CENPP: variants seen among roughly 807,000 people sequenced by gnomAD.
The protein encoded by CENPP is centromere protein P.
CENPP carries 24 observed loss-of-function variants against 35.6 expected under a neutral mutation model. The observed-to-expected ratio is 0.67, with a 90% CI of 0.49 to 0.95. The LOEUF (loss-of-function observed/expected upper bound fraction) is 0.95, where lower values mean the gene tolerates loss of function less well. Among genes scored for constraint, CENPP ranks in the 40% least tolerant of loss-of-function variants. The pLI, the probability that CENPP is intolerant of heterozygous loss-of-function variation, is 0.00. For synonymous variants in CENPP, 120 were observed against 125.5 expected, an observed-to-expected ratio of 0.96 and a Z score of 0.29; for missense variants, 332 against 345.3, an observed-to-expected ratio of 0.96 and a Z score of 0.31.
chr9:92,530,712 AC>A (rs1848699812), intron 5 of CENPP, among the ~76,000 whole-genome samples: 1 of 151,362 alleles, frequency 6.6e-6, no homozygotes, highest in Non-Finnish European at 1.5e-5. Context: ...TTCTTTTTTG[AC>A]TTTTTAGATT....
intron 4 of CENPP, among the ~76,000 whole-genome samples, chr9:92,360,302 C>T (rs1422774176): frequency 6.6e-6 from 1 of 152,198 alleles, no homozygotes; most frequent in Non-Finnish European, 1.5e-5. Context: ...CTTCCCCTTC[C>T]TGCTTCATGT....
intron 4 of CENPP, among the ~76,000 whole-genome samples, chr9:92,363,842 T>G (rs571685769): frequency 6.6e-5 from 10 of 152,200 alleles, no homozygotes; most frequent in African/African-American, 1.7e-4. Context: ...TTGGGTTTTT[T>G]TTTTGTTTTG....
intron 5 of CENPP, chr9:92,493,977 C>T (rs1846241996): frequency 2.7e-6 from 3 of 1,095,410 alleles, no homozygotes; most frequent in African/African-American, 1.6e-5. Context: ...GCCGTAGTCT[C>T]CTGGCGGCCC....
At chr9:92,546,530 T>G (rs1849456858) in intron 5 of CENPP, among the ~76,000 whole-genome samples, 1 of 151,766 alleles carries the variant, frequency 6.6e-6, no homozygotes, top group Admixed American at 6.6e-5. Context: ...TTAAGAGCTG[T>G]AATAGTCAAC....
Position 92,615,595 on chromosome 9 carries a change from C to T in CENPP, c.*2446C>T, listed in dbSNP as rs1054871657. The T allele has an allele frequency of 1.2e-4, 59 of 504,964 alleles. No homozygotes were observed. The highest frequency in any genetic ancestry group is 5.1e-4 in the Admixed American group (15 of 29,622). The allele number at this position is 504,964 out of a possible 1,614,324, so 31.3% of individuals were successfully genotyped here. A position where few individuals can be genotyped will look rare whatever the true frequency, so the allele number is the denominator to read the frequency against. ...ACGTCTTCCCAGGGCTTAACGGACACTTCCATTTTAAGAGTGTGAGCAGCT... is the reference window on the plus strand; with the variant it reads ...ACGTCTTCCCAGGGCTTAACGGACATTTCCATTTTAAGAGTGTGAGCAGCT... On this transcript the variant is annotated 3_prime_UTR_variant, in exon 8 of 8. Coordinates refer to ENST00000375587, the MANE Select transcript of CENPP (RefSeq NM_001012267.3).
At chr9:92,374,262 T>TGTGC (rs762736582) in intron 4 of CENPP, among the ~76,000 whole-genome samples, 2,958 of 151,628 alleles carry the variant, frequency 0.02, 103 homozygotes, top group African/African-American at 0.067. Flanking sequence ...TGTGTGTGTG[T>TGTGC]GTGTGTGTGT....
chr9:92,501,805 G>A (rs769586322), intron 5 of CENPP, among the ~76,000 whole-genome samples: 2 of 152,174 alleles, frequency 1.3e-5, no homozygotes, highest in Admixed American at 1.3e-4. Context: ...TCCAGGACAC[G>A]CAATCCCAGA....
chr9:92,378,713 T>C (rs1017883312), intron 4 of CENPP, among the ~76,000 whole-genome samples: 1 of 152,216 alleles, frequency 6.6e-6, no homozygotes, highest in Admixed American at 6.5e-5. Flanking sequence ...TTACTTGTGG[T>C]GTATGTGGCT....
chr9:92,615,033 TGCCCA>T lies in CENPP; in HGVS notation c.*1889_*1893del, dbSNP rs1470716979. 6.6e-6 allele frequency: 1 copy of T among 152,278 alleles called. No homozygotes were observed. The highest frequency in any genetic ancestry group is 1.5e-5 in the Non-Finnish European group (1 of 68,080). 9.4% of individuals were successfully genotyped at this position (152,278 alleles called of 1,614,324 possible). A position where few individuals can be genotyped will look rare whatever the true frequency, so the allele number is the denominator to read the frequency against. On this transcript the variant is annotated 3_prime_UTR_variant, in exon 8 of 8. Transcript: ENST00000375587. ...AAAGCACTGAGCTGTTGGGGCACAC[TGCCCA>T]GCCCGGCCACAGCAGCTCAGCCAGT... is the stretch of plus-strand genomic sequence containing the variant.
intron 5 of CENPP, among the ~76,000 whole-genome samples, chr9:92,595,474 T>C (rs1463242864): frequency 1.3e-5 from 2 of 152,138 alleles, no homozygotes; most frequent in Non-Finnish European, 1.5e-5. Flanking sequence ...ACTCCTGACC[T>C]CAAGCAATCA....
At position 92,522,802 on chromosome 9, in the gene CENPP, T is replaced by G. The variant is rs772784389; in HGVS notation, c.565-88512T>G. The G allele has an allele frequency of 6.2e-7, 1 of 1,613,120 alleles. No homozygotes were observed. Among genetic ancestry groups the G allele is most frequent in the Admixed American group, 1.7e-5 (1 of 59,922 alleles). ...CCTTTGCTTCCTAGGAATTTCTTCA[T>G]TTTTTCCAAAGTCAGTTTGAAAAAT... On this transcript the variant is annotated intron_variant, in intron 5 of 7. Coordinates refer to ENST00000375587, the MANE Select transcript of CENPP (RefSeq NM_001012267.3).
chr9:92,494,934 T>C (rs146527383), intron 5 of CENPP, among the ~76,000 whole-genome samples: 39 of 152,238 alleles, frequency 2.6e-4, no homozygotes, highest in Non-Finnish European at 4.3e-4. Flanking sequence ...CATTATGGAA[T>C]AAGTCAAACT....
At chr9:92,572,403 G>C (rs1178294613) in intron 5 of CENPP, among the ~76,000 whole-genome samples, 2 of 152,184 alleles carry the variant, frequency 1.3e-5, no homozygotes, top group Non-Finnish European at 2.9e-5. Flanking sequence ...CTTTAAGAAT[G>C]TTGAATATCG....
At chr9:92,551,686 C>T (rs1441805156) in intron 5 of CENPP, among the ~76,000 whole-genome samples, 1 of 151,846 alleles carries the variant, frequency 6.6e-6, no homozygotes, top group Admixed American at 6.6e-5. Context: ...CCACTCTTCC[C>T]TTCAAGTCCC....
intron 4 of CENPP, among the ~76,000 whole-genome samples, chr9:92,372,594 C>T (rs1472113567): frequency 6.6e-6 from 1 of 152,192 alleles, no homozygotes; most frequent in Non-Finnish European, 1.5e-5. Flanking sequence ...AAGTTTAGGA[C>T]TTCCTTGAGC....
chr9:92,617,942 A>G lies in CENPP; in HGVS notation c.*4793A>G. ...AGCCTTTATTTTAGGGGGTGTAAGA[A>G]GTTTAAATGTGGTCAATCTATCTGT... On this transcript the variant is annotated 3_prime_UTR_variant, in exon 8 of 8. Transcript: ENST00000375587. 1 of 293,066 alleles carries G rather than the reference A, an allele frequency of 3.4e-6. No individual in the cohort carries two copies. The allele number at this position is 293,066 out of a possible 1,614,324, so 18.2% of individuals were successfully genotyped here. A position where few individuals can be genotyped will look rare whatever the true frequency, so the allele number is the denominator to read the frequency against.
intron 5 of CENPP, among the ~76,000 whole-genome samples, chr9:92,591,562 T>A (rs1161120129): frequency 6.6e-6 from 1 of 151,604 alleles, no homozygotes; most frequent in Non-Finnish European, 1.5e-5. Flanking sequence ...ACCACAGTAT[T>A]AACAAAGGCT....
chr9:92,428,262 T>C lies in CENPP; in HGVS notation c.564+48403T>C, dbSNP rs184099527. Among the ~76,000 whole-genome samples, 427 of 152,230 alleles carry C rather than the reference T, an allele frequency of 2.8e-3. 3 individuals carry two copies. Among genetic ancestry groups the C allele is most frequent in the African/African-American group, 0.01 (416 of 41,546 alleles). ...CCCATGCCAACCCTGACCACTCTCT[T>C]GTGTAAGCCAGAAGTTTGGGAGTCC... is the stretch of plus-strand genomic sequence containing the variant. On this transcript the variant is annotated intron_variant, in intron 5 of 7. Transcript: ENST00000375587.
chr9:92,613,915 C>CCAGT lies in CENPP; in HGVS notation c.*770_*773dup, dbSNP rs1851350036. The CCAGT allele has an allele frequency of 1.3e-5, 2 of 152,236 alleles. No homozygotes were observed. The highest frequency in any genetic ancestry group is 6.5e-5 in the Admixed American group (1 of 15,278). 9.4% of individuals were successfully genotyped at this position (152,236 alleles called of 1,614,324 possible). A position where few individuals can be genotyped will look rare whatever the true frequency, so the allele number is the denominator to read the frequency against. The stretch of plus-strand genomic sequence containing the variant: ...ATCTGTGAACGCGTGTTGTCTCAAA[C>CCAGT]CAGTCAGGGCCGTCATGACTACGCA... On this transcript the variant is annotated 3_prime_UTR_variant, in exon 8 of 8. Coordinates refer to ENST00000375587, the MANE Select transcript of CENPP (RefSeq NM_001012267.3).
Sources: allele counts gnomAD v4.1 joint callset (sites outside exome capture counted in the v4.1 genomes callset), GRCh38; gene constraint gnomAD v4.1.1; transcripts MANE v1.5; gene names NCBI Gene and HGNC (gene_info 2026-07-23, HGNC 2026-07-21).